NTM: variants seen among roughly 807,000 people sequenced by gnomAD.
The protein encoded by NTM is neurotrimin.
NTM carries 13 observed loss-of-function variants against 42.1 expected under a neutral mutation model. The ratio of observed to expected loss-of-function variants is 0.31; its 90% CI spans 0.20 to 0.49. The LOEUF is 0.49. Ranked by LOEUF, NTM falls within the 20% of genes least tolerant of loss-of-function variation. NTM has a pLI of 0.99. For missense variants in NTM, 373 were observed against 452.8 expected, an observed-to-expected ratio of 0.82 and a Z score of 1.60; for synonymous variants, 187 against 179.2, an observed-to-expected ratio of 1.04 and a Z score of -0.35.
intron 1 of NTM, among the ~76,000 whole-genome samples, chr11:131,883,541 T>C (rs2049887849): frequency 6.6e-6 from 1 of 152,182 alleles, no homozygotes; most frequent in Non-Finnish European, 1.5e-5. Flanking sequence ...CCATCACTGT[T>C]CAAATGAAGA....
In NTM at chr11:131,787,231, T is replaced by C. The variant is rs973145076; in HGVS notation, c.83-124333T>C. On this transcript the variant is annotated intron_variant, in intron 1 of 8. Coordinates refer to ENST00000683400, the MANE Select transcript of NTM (RefSeq NM_001352005.2). ...GATAAAACAACAGTTTATTATGATATAATATTTTATAGTTAATTGTTCAAT... is the reference window on the plus strand; with the variant it reads ...GATAAAACAACAGTTTATTATGATACAATATTTTATAGTTAATTGTTCAAT... Among the ~76,000 whole-genome samples, 4 of 151,774 alleles carry C rather than the reference T, an allele frequency of 2.6e-5. 1 individual carries two copies. In the South Asian group the frequency reaches 6.2e-4, roughly 24 times the overall value.
chr11:132,258,992 G>A (rs937392103), intron 4 of NTM, among the ~76,000 whole-genome samples: 11 of 152,168 alleles, frequency 7.2e-5, no homozygotes, highest in African/African-American at 2.6e-4. Flanking sequence ...TTTGTGTCCT[G>A]CCCCTGATTT....
chr11:131,736,952 G>T lies in NTM; in HGVS notation c.83-174612G>T, dbSNP rs960604138. Reference sequence around the variant, plus strand: ...GCCATCCTTAATGGAGGATGACTATGCAGGGAGCAATGCCATTGCAAGAGT... The same window carrying T: ...GCCATCCTTAATGGAGGATGACTATTCAGGGAGCAATGCCATTGCAAGAGT... On this transcript the variant is annotated intron_variant, in intron 1 of 8. Transcript: ENST00000683400. Among the ~76,000 whole-genome samples the T allele has an allele frequency of 1.8e-4, 27 of 152,214 alleles. 1 individual carries two copies. The highest frequency in any genetic ancestry group is 1.6e-3 in the Admixed American group (24 of 15,290).
chr11:131,787,390 A>T (rs1009343101), intron 1 of NTM, among the ~76,000 whole-genome samples: 20 of 97,466 alleles, frequency 2.1e-4, no homozygotes, highest in African/African-American at 6.2e-4. Context: ...TTTTATTTTT[A>T]TTTTTTTTGA....
intron 1 of NTM, among the ~76,000 whole-genome samples, chr11:131,754,422 C>T (rs934501201): frequency 2.6e-5 from 4 of 152,026 alleles, no homozygotes; most frequent in Non-Finnish European, 4.4e-5. Context: ...GTCAGGAGTT[C>T]GAGACCAGCC....
intron 1 of NTM, among the ~76,000 whole-genome samples, chr11:131,474,224 C>A (rs1198294009): frequency 6.6e-6 from 1 of 152,146 alleles, no homozygotes; most frequent in African/African-American, 2.4e-5. Flanking sequence ...CCACATCTCT[C>A]ACCTTTGTAA....
intron 1 of NTM, among the ~76,000 whole-genome samples, chr11:131,905,574 T>C (rs1350095603): frequency 6.6e-6 from 1 of 152,144 alleles, no homozygotes; most frequent in Non-Finnish European, 1.5e-5. Flanking sequence ...GTCACTTCCT[T>C]AGGGAAGTTT....
At chr11:131,563,569 G>A (rs1049225813) in intron 1 of NTM, among the ~76,000 whole-genome samples, 5 of 136,812 alleles carry the variant, frequency 3.7e-5, no homozygotes, top group African/African-American at 5.5e-5. Context: ...TCCTGTGACA[G>A]CTCCAGACAC....
intron 1 of NTM, among the ~76,000 whole-genome samples, chr11:131,554,007 C>T (rs1456905090): frequency 6.6e-6 from 1 of 152,212 alleles, no homozygotes; most frequent in South Asian, 2.1e-4. Flanking sequence ...GTCAATCCCA[C>T]TCATTTATCA....
intron 2 of NTM, among the ~76,000 whole-genome samples, chr11:132,062,855 G>T (rs2080887857): frequency 6.6e-6 from 1 of 152,128 alleles, no homozygotes. Flanking sequence ...ATTATACAAA[G>T]AAATGGAAGG....
At chr11:132,247,494 A>G (rs1361874482) in intron 4 of NTM, among the ~76,000 whole-genome samples, 1 of 152,202 alleles carries the variant, frequency 6.6e-6, no homozygotes, top group African/African-American at 2.4e-5. Flanking sequence ...CTTCTCTTTA[A>G]TAGATGTCTC....
intron 3 of NTM, among the ~76,000 whole-genome samples, chr11:132,209,595 A>G (rs932639724): frequency 6.6e-6 from 1 of 152,256 alleles, no homozygotes; most frequent in African/African-American, 2.4e-5. Flanking sequence ...TTTATAGTAT[A>G]AAAGGAAAGG....
chr11:132,037,216 T>C (rs1247374660), intron 2 of NTM, among the ~76,000 whole-genome samples: 1 of 151,884 alleles, frequency 6.6e-6, no homozygotes, highest in Non-Finnish European at 1.5e-5. Context: ...TGCTATGAGA[T>C]CTGCTTGTGG....
chr11:132,284,201 C>T (rs2094129366), intron 4 of NTM: 1 of 152,310 alleles, frequency 6.6e-6, no homozygotes, highest in South Asian at 2.1e-4. Context: ...TGGACACCCA[C>T]TCTACTGGTT....
intron 1 of NTM, among the ~76,000 whole-genome samples, chr11:131,818,718 G>T (rs1316402616): frequency 6.6e-6 from 1 of 152,154 alleles, no homozygotes; most frequent in Non-Finnish European, 1.5e-5. Flanking sequence ...TGGAGATAAT[G>T]AATGTGAAAG....
intron 1 of NTM, among the ~76,000 whole-genome samples, chr11:131,624,137 T>A (rs1335017319): frequency 6.6e-6 from 1 of 152,184 alleles, no homozygotes; most frequent in Non-Finnish European, 1.5e-5. Context: ...ACAATAGGGT[T>A]CAGATTCCAT....
chr11:131,786,841 A>G (rs1358873893), intron 1 of NTM, among the ~76,000 whole-genome samples: 1 of 152,222 alleles, frequency 6.6e-6, no homozygotes, highest in African/African-American at 2.4e-5. Flanking sequence ...TCTGTTGGCT[A>G]CAGGCTATTC....
At chr11:131,918,621 A>G (rs181602649) in intron 2 of NTM, among the ~76,000 whole-genome samples, 3 of 152,050 alleles carry the variant, frequency 2.0e-5, no homozygotes, top group Admixed American at 6.6e-5. Context: ...CTCCTAGGCA[A>G]TCCCCCTCGG....
At chr11:132,033,803 G>A (rs1013947376) in intron 2 of NTM, among the ~76,000 whole-genome samples, 3 of 152,168 alleles carry the variant, frequency 2.0e-5, no homozygotes, top group Admixed American at 6.5e-5. Flanking sequence ...AGATAAATCC[G>A]GAGACTGGAT....
Sources: allele counts gnomAD v4.1 joint callset (sites outside exome capture counted in the v4.1 genomes callset), GRCh38; gene constraint gnomAD v4.1.1; transcripts MANE v1.5; gene names NCBI Gene and HGNC (gene_info 2026-07-23, HGNC 2026-07-21).